The following DAB1 variants were observed in gnomAD, a reference collection of about 807,000 sequenced individuals.
DAB1 encodes the protein disabled homolog 1.
Under a neutral mutation model 64.6 loss-of-function variants are expected in DAB1, and 15 were observed. The ratio of observed to expected loss-of-function variants is 0.23; its 90% CI spans 0.16 to 0.36. DAB1 has a LOEUF of 0.36. Ranked by LOEUF, DAB1 falls within the 10% of genes least tolerant of loss-of-function variation. The pLI, the probability that DAB1 is intolerant of heterozygous loss-of-function variation, is 1.00. For synonymous variants in DAB1, 235 were observed against 251.9 expected (o/e 0.93, Z 0.64); for missense variants, 596 against 706.7 (o/e 0.84, Z 1.78).
chr1:58,293,297 C>A (rs1661890176), intron 4 of DAB1, among the ~76,000 whole-genome samples: 1 of 152,214 alleles, frequency 6.6e-6, no homozygotes, highest in African/African-American at 2.4e-5. Context: ...CCTTCTTCAT[C>A]TTTGACATCA....
intron 3 of DAB1, among the ~76,000 whole-genome samples, chr1:58,404,152 T>C (rs1374975745): frequency 6.6e-6 from 1 of 152,128 alleles, no homozygotes; most frequent in East Asian, 1.9e-4. Flanking sequence ...TGGTGAGACA[T>C]GTCACTGGCA....
At chr1:57,820,744 G>A (rs968893212) in intron 6 of DAB1, among the ~76,000 whole-genome samples, 1 of 152,162 alleles carries the variant, frequency 6.6e-6, no homozygotes, top group Non-Finnish European at 1.5e-5. Context: ...ACATCTTTTT[G>A]TTTCACAAGG....
intron 6 of DAB1, among the ~76,000 whole-genome samples, chr1:57,677,152 G>C (rs1401112376): frequency 1.3e-5 from 2 of 152,112 alleles, no homozygotes; most frequent in East Asian, 3.9e-4. Flanking sequence ...CAAGAAGGTG[G>C]CCACCTGTGA....
At chr1:57,769,563 C>A (rs1419059756) in intron 6 of DAB1, among the ~76,000 whole-genome samples, 2 of 152,158 alleles carry the variant, frequency 1.3e-5, no homozygotes, top group Admixed American at 6.5e-5. Flanking sequence ...ACAAACCGAT[C>A]CCCACTTCCT....
chr1:58,262,056 T>C (rs1035440641), intron 4 of DAB1, among the ~76,000 whole-genome samples: 2 of 152,182 alleles, frequency 1.3e-5, no homozygotes, highest in African/African-American at 4.8e-5. Context: ...CAATCTGTCA[T>C]TGTAGGAGAC....
intron 1 of DAB1, among the ~76,000 whole-genome samples, chr1:57,323,634 T>C (rs937846496): frequency 2.6e-5 from 4 of 152,188 alleles, no homozygotes; most frequent in African/African-American, 9.7e-5. Context: ...AACTCAGCTA[T>C]GTTGTATGCC....
At chr1:57,800,910 C>T (rs1462388665) in intron 6 of DAB1, among the ~76,000 whole-genome samples, 1 of 152,140 alleles carries the variant, frequency 6.6e-6, no homozygotes, top group Non-Finnish European at 1.5e-5. Flanking sequence ...TGGATTCATT[C>T]ATTTATTCAT....
chr1:58,239,145 C>G (rs1660179858), intron 4 of DAB1, among the ~76,000 whole-genome samples: 1 of 152,190 alleles, frequency 6.6e-6, no homozygotes, highest in Non-Finnish European at 1.5e-5. Context: ...ATGTTGTCAT[C>G]TGCAACTAAG....
chr1:57,254,981 A>G (rs2100534322), intron 2 of DAB1, among the ~76,000 whole-genome samples: 1 of 152,326 alleles, frequency 6.6e-6, no homozygotes, highest in African/African-American at 2.4e-5. Context: ...TATGTCCATA[A>G]CGTAGAAGGC....
At chr1:58,370,997 T>TG (rs1644260146) in intron 3 of DAB1, among the ~76,000 whole-genome samples, 1 of 152,210 alleles carries the variant, frequency 6.6e-6, no homozygotes, top group African/African-American at 2.4e-5. Flanking sequence ...ACCAAGGTAG[T>TG]GGGTCATTGC....
chr1:58,383,464 T>C (rs1644407185), intron 3 of DAB1, among the ~76,000 whole-genome samples: 1 of 152,246 alleles, frequency 6.6e-6, no homozygotes, highest in Admixed American at 6.5e-5. Context: ...ATACCCTTTT[T>C]CTGGCTTGCA....
intron 1 of DAB1, among the ~76,000 whole-genome samples, chr1:57,360,907 C>T (rs763451347): frequency 5.3e-5 from 8 of 152,168 alleles, no homozygotes; most frequent in East Asian, 1.9e-4. Context: ...ATTATTTCAA[C>T]GCACATTTAC....
intron 3 of DAB1, among the ~76,000 whole-genome samples, chr1:58,395,347 A>C (rs1050656463): frequency 3.3e-5 from 5 of 152,222 alleles, no homozygotes; most frequent in African/African-American, 1.2e-4. Context: ...CCACAGAGAC[A>C]AGTTATAGTA....
Position 56,996,421 on chromosome 1 carries a change from A to G in DAB1, c.*1723T>C, listed in dbSNP as rs1181163909. ...ACAATTCTCTGTAGGGCAAAAATAT[A>G]TAGATTCTTTATGAAAATCATGTGC... On this transcript the variant is annotated 3_prime_UTR_variant, in exon 15 of 15. Coordinates refer to ENST00000371236, the MANE Select transcript of DAB1 (RefSeq NM_001365792.1). 1 of 152,216 alleles carries G rather than the reference A, an allele frequency of 6.6e-6. No individual in the cohort carries two copies. Among genetic ancestry groups the G allele is most frequent in the African/African-American group, 2.4e-5 (1 of 41,456 alleles). The allele number at this position is 152,216 out of a possible 1,614,324, so 9.4% of individuals were successfully genotyped here. A position where few individuals can be genotyped will look rare whatever the true frequency, so the allele number is the denominator to read the frequency against.
At chr1:57,378,924 T>C (rs1004793498) in intron 1 of DAB1, among the ~76,000 whole-genome samples, 1 of 152,182 alleles carries the variant, frequency 6.6e-6, no homozygotes, top group Non-Finnish European at 1.5e-5. Context: ...TTTGATTAGC[T>C]TCTCTTCTAA....
chr1:57,922,856 A>AAAAAAAAAAAAAAAC (rs1644829235), intron 5 of DAB1, among the ~76,000 whole-genome samples: 1 of 150,336 alleles, frequency 6.7e-6, no homozygotes, highest in African/African-American at 2.5e-5. Context: ...AAAAAAAAAA[A>AAAAAAAAAAAAAAAC]AAAAAAAAAA....
chr1:57,851,536 G>A (rs1413287447), intron 1 of DAB1, among the ~76,000 whole-genome samples: 2 of 152,216 alleles, frequency 1.3e-5, no homozygotes, highest in Admixed American at 6.5e-5. Flanking sequence ...GGGCTGCTGA[G>A]CAGAAGAGTA....
chr1:57,331,185 ACTGT>A (rs1676639534), intron 1 of DAB1, among the ~76,000 whole-genome samples: 1 of 152,218 alleles, frequency 6.6e-6, no homozygotes, highest in African/African-American at 2.4e-5. Context: ...TAGCAAAGAA[ACTGT>A]CTGCTAACGA....
intron 2 of DAB1, among the ~76,000 whole-genome samples, chr1:57,264,001 G>A (rs1198666520): frequency 6.6e-6 from 1 of 152,048 alleles, no homozygotes; most frequent in Non-Finnish European, 1.5e-5. Context: ...GAGCCCTCCT[G>A]GTATGGAAGG....
Sources: allele counts gnomAD v4.1 joint callset (sites outside exome capture counted in the v4.1 genomes callset), GRCh38; gene constraint gnomAD v4.1.1; transcripts MANE v1.5; gene names NCBI Gene and HGNC (gene_info 2026-07-23, HGNC 2026-07-21).